The following QSER1 variants were observed in gnomAD, a reference collection of about 807,000 sequenced individuals.
QSER1 encodes the protein glutamine and serine rich 1.
QSER1 carries 49 observed loss-of-function variants against 158.5 expected under a neutral mutation model. The observed-to-expected ratio is 0.31, with a 90% CI of 0.25 to 0.39. The LOEUF (loss-of-function observed/expected upper bound fraction) is 0.39. Among genes scored for constraint, QSER1 ranks in the 10% least tolerant of loss-of-function variants. QSER1 has a pLI of 1.00. For synonymous variants in QSER1, 650 were observed against 715.5 expected (o/e 0.91, Z 1.46); for missense variants, 1,754 against 2,010.3 (o/e 0.87, Z 2.44).
intron 8 of QSER1, 28 bp downstream of exon 8, chr11:32,958,114 G>C: frequency 6.5e-7 from 1 of 1,533,228 alleles, no homozygotes; most frequent in South Asian, 1.1e-5. Context: ...TGGCTACCCT[G>C]ATAACTTTAG....
chr11:32,941,556 C>T (rs1008821642), intron 4 of QSER1, among the ~76,000 whole-genome samples: 69 of 151,940 alleles, frequency 4.5e-4, no homozygotes, highest in Admixed American at 1.3e-3. Flanking sequence ...ACAAAGGACA[C>T]GAACTCATCA....
chr11:32,950,261 A>G lies in QSER1; in HGVS notation c.4178-3596A>G, dbSNP rs571492596. 7.9e-5 allele frequency among the ~76,000 whole-genome samples: 12 copies of G among 152,000 alleles called. No homozygotes were observed. The East Asian group carries it at 2.3e-3, about 29-fold the overall frequency. On this transcript the variant is annotated intron_variant, in intron 4 of 12. Transcript: ENST00000650167. ...AGACCCCTGCCATCACACCTGGCTA[A>G]TTTTTGTATTTTAGTGGACACGGGG... is the stretch of plus-strand genomic sequence containing the variant.
At chr11:32,926,080 C>T (rs909432474) in intron 1 of QSER1, 1 of 151,918 alleles carries the variant, frequency 6.6e-6, no homozygotes, top group Admixed American at 6.6e-5. Flanking sequence ...GTGACAGAGA[C>T]CCTGTCTTCT....
rs748446526 is a variant in QSER1, at chr11:32,966,392, A to C, written c.5062A>C (p.Ile1688Leu). 2 of 1,613,948 alleles carry C rather than the reference A, an allele frequency of 1.2e-6. No homozygotes were observed. The highest frequency in any genetic ancestry group is 8.5e-7 in the Non-Finnish European group (1 of 1,179,990). Residue 1688 changes from isoleucine to leucine, a missense_variant, in exon 9 of 13, where the codon ATT (isoleucine) becomes CTT (leucine). Transcript: ENST00000650167. ...GAGCTACATGGAATTGCTTGTTAGC[A>C]TTGCCTTGGACCCTGACACAATGCA... Reference protein sequence around the residue: ...FKSYMELLVSIALDPDTMQAL... With the variant: ...FKSYMELLVSLALDPDTMQAL...
At chr11:32,957,230 C>T (rs1472032729) in intron 7 of QSER1, among the ~76,000 whole-genome samples, 2 of 150,910 alleles carry the variant, frequency 1.3e-5, no homozygotes, top group African/African-American at 4.9e-5. Flanking sequence ...CAACCTCCAC[C>T]TCCCGGGTTC....
chr11:32,972,323 AAGTATCATTCAGTTATTG>A, intron 10 of QSER1, among the ~76,000 whole-genome samples: 1 of 152,230 alleles, frequency 6.6e-6, no homozygotes. Flanking sequence ...ATGTTGCCAC[AAGTATCATTCAGTTATTG>A]TTTGTAGCTT....
intron 4 of QSER1, among the ~76,000 whole-genome samples, chr11:32,941,508 T>C (rs1852236680): frequency 6.6e-6 from 1 of 151,750 alleles, no homozygotes; most frequent in Non-Finnish European, 1.5e-5. Context: ...TGCGATAGTT[T>C]ACTGAGAATG....
intron 3 of QSER1, 101 bp downstream of exon 3, chr11:32,928,224 T>A: frequency 2.8e-6 from 2 of 715,632 alleles, no homozygotes; most frequent in Non-Finnish European, 4.7e-6. Flanking sequence ...TGTTACAATA[T>A]TGATTTTCCA....
intron 1 of QSER1, among the ~76,000 whole-genome samples, chr11:32,922,993 C>T (rs1348037285): frequency 6.6e-6 from 1 of 152,166 alleles, no homozygotes; most frequent in Admixed American, 6.6e-5. Flanking sequence ...CACACAAAAA[C>T]TTATGCACAT....
Position 32,976,374 on chromosome 11 carries a change from A to T in QSER1, c.5495A>T (p.Glu1832Val). Residue 1832 changes from glutamate to valine, a missense_variant, in exon 13 of 13, where the codon GAG becomes GTG. By Grantham distance (121) the Glu-to-Val change is moderately radical. This residue lies in a region of QSER1 where 47 missense variants were observed against 90.7 expected (regional missense o/e 0.52). Transcript: ENST00000650167. ...AAAAAAAATGAAGATTTAGGACAGG[A>T]GGAAATTGTTCAACTTTGTATGAAA... The part of the protein sequence containing the change: ...VQKKNEDLGQ[E>V]EIVQLCMKNV... The T allele has an allele frequency of 6.2e-7, 1 of 1,604,416 alleles. No homozygotes were observed. Among genetic ancestry groups the T allele is most frequent in the Non-Finnish European group, 8.5e-7 (1 of 1,177,354 alleles).
intron 1 of QSER1, among the ~76,000 whole-genome samples, chr11:32,908,501 A>G (rs911209958): frequency 1.3e-5 from 2 of 152,200 alleles, no homozygotes; most frequent in East Asian, 3.8e-4. Context: ...AGGAAATTCC[A>G]TACTACTAAT....
At position 32,932,234 on chromosome 11, in the gene QSER1, G is replaced by T. The variant is rs1255744772; in HGVS notation, c.976G>T (p.Gly326Cys). 1 of 1,613,966 alleles carries T rather than the reference G, an allele frequency of 6.2e-7. No homozygotes were observed. Among genetic ancestry groups the T allele is most frequent in the African/African-American group, 1.3e-5 (1 of 74,916 alleles). Reference protein sequence around the residue: ...SVIKHHQRPSGTQSIQAQLTG... With the variant: ...SVIKHHQRPSCTQSIQAQLTG... Reference sequence around the variant, plus strand: ...TATTAAACACCATCAGCGGCCTTCAGGTACCCAGTCAATTCAGGCACAACT... The same window carrying T: ...TATTAAACACCATCAGCGGCCTTCATGTACCCAGTCAATTCAGGCACAACT... The change falls in exon 4 of 13, where the codon GGT becomes TGT. Residue 326 changes from glycine (G) to cysteine (C), a missense_variant. Physicochemically the swap from Gly to Cys is radical, Grantham distance 159 (BLOSUM62 -3). This residue lies in a region of QSER1 where 1,707 missense variants were observed against 1,919.6 expected (regional missense o/e 0.89). Coordinates refer to ENST00000650167, the MANE Select transcript of QSER1 (RefSeq NM_001076786.3).
At chr11:32,894,062 G>A (rs1284335322) in intron 1 of QSER1, among the ~76,000 whole-genome samples, 2 of 152,030 alleles carry the variant, frequency 1.3e-5, no homozygotes, top group Non-Finnish European at 2.9e-5. Context: ...ACTGAGAGTT[G>A]GGAAGAAATG....
intron 4 of QSER1, among the ~76,000 whole-genome samples, chr11:32,952,012 G>A (rs1191194711): frequency 1.3e-5 from 2 of 151,660 alleles, no homozygotes; most frequent in Admixed American, 1.3e-4. Flanking sequence ...TAATTTTTTT[G>A]TATTTTTAGT....
intron 1 of QSER1, among the ~76,000 whole-genome samples, chr11:32,913,584 C>G (rs1439552604): frequency 6.6e-6 from 1 of 152,158 alleles, no homozygotes; most frequent in Non-Finnish European, 1.5e-5. Context: ...TTTTATTTCT[C>G]TAGTTCCTAG....
At chr11:32,905,384 C>G (rs1851679743) in intron 1 of QSER1, among the ~76,000 whole-genome samples, 1 of 152,344 alleles carries the variant, frequency 6.6e-6, no homozygotes, top group Non-Finnish European at 1.5e-5. Flanking sequence ...GAACATTACT[C>G]TGGTAAAGCA....
intron 1 of QSER1, among the ~76,000 whole-genome samples, chr11:32,899,993 C>T (rs1044919724): frequency 6.6e-6 from 1 of 152,114 alleles, no homozygotes; most frequent in Admixed American, 6.5e-5. Flanking sequence ...ATTATTATCA[C>T]CATTTACTCC....
chr11:32,918,281 A>C (rs994836613), intron 1 of QSER1, among the ~76,000 whole-genome samples: 1 of 152,184 alleles, frequency 6.6e-6, no homozygotes, highest in African/African-American at 2.4e-5. Context: ...TTCAGTGCAT[A>C]CTGGGCAAAC....
chr11:32,933,062 CT>C lies in QSER1; in HGVS notation c.1807del (p.Ser603LeufsTer64). The C allele has an allele frequency of 6.2e-7, 1 of 1,613,530 alleles. No individual in the cohort carries two copies. Among genetic ancestry groups the C allele is most frequent in the Non-Finnish European group, 8.5e-7 (1 of 1,180,002 alleles). On this transcript the variant is annotated frameshift_variant, in exon 4 of 13. Coordinates refer to ENST00000650167, the MANE Select transcript of QSER1 (RefSeq NM_001076786.3). LOFTEE classifies it high-confidence loss of function. Reference protein sequence around the residue: ...GESLTLTAPSLSYSSASRAQN... With the variant: ...GESLTLTAPSXSYSSASRAQN... ...GTCCCTAACATTAACAGCCCCTTCT[CT>C]TTCTTATTCTTCTGCCTCTCGGGCT...
Sources: gnomAD v4.1 joint callset for allele counts (sites outside exome capture counted in the v4.1 genomes callset) on GRCh38, gnomAD v4.1.1 for gene constraint, gnomAD v4.1.1 regional missense constraint, MANE v1.5 for transcripts, NCBI Gene and HGNC (gene_info 2026-07-23, HGNC 2026-07-21) for gene names.